Variants in ATP6V0E2 observed in about 807,000 individuals in gnomAD.
ATP6V0E2 encodes the protein ATPase H+ transporting V0 subunit e2.
A neutral mutation model predicts 11.5 loss-of-function variants in ATP6V0E2; 4 were observed. The ratio of observed to expected loss-of-function variants is 0.35; its 90% CI spans 0.17 to 0.80. The LOEUF (loss-of-function observed/expected upper bound fraction) is 0.80. Ranked by LOEUF, ATP6V0E2 falls within the 30% of genes least tolerant of loss-of-function variation. The pLI, the probability that ATP6V0E2 is intolerant of heterozygous loss-of-function variation, is 0.53. For missense variants in ATP6V0E2, 93 were observed against 113.5 expected (o/e 0.82, Z 0.82); for synonymous variants, 52 against 51.0 (o/e 1.02, Z -0.09).
intron 3 of ATP6V0E2, chr7:149,879,100 C>T: frequency 7.2e-7 from 1 of 1,392,576 alleles, no homozygotes; most frequent in Non-Finnish European, 9.3e-7. Context: ...CCTGCCTGGC[C>T]TGTGTTGGCC....
intron 2 of ATP6V0E2, among the ~76,000 whole-genome samples, chr7:149,876,552 C>G (rs532869636): frequency 5.9e-5 from 9 of 152,258 alleles, no homozygotes; most frequent in Admixed American, 5.9e-4. Flanking sequence ...ATAGCCAATC[C>G]CTCTTTATTA....
intron 2 of ATP6V0E2, 92 bp from the exon 3 acceptor site, chr7:149,878,586 T>A: frequency 9.0e-7 from 1 of 1,108,760 alleles, no homozygotes; most frequent in East Asian, 2.7e-5. Context: ...TCTGCTGGGT[T>A]GGCCGCATCC....
rs1332041783 is a variant in ATP6V0E2 at position 149,874,188 on chromosome 7, C to A, written c.104+19C>A. 1.9e-6 allele frequency: 3 copies of A among 1,540,514 alleles called. No individual in the cohort carries two copies. The South Asian group carries it at 3.6e-5, about 18-fold the overall frequency. ...ACCGCGGGTAAGGAAAGCGCGCAGG[C>A]CCTGCAGACCTCTCCACCCCGGCCC... On this transcript the variant is annotated intron_variant, in intron 1 of 3. Coordinates refer to ENST00000425642, the MANE Select transcript of ATP6V0E2 (RefSeq NM_145230.4).
At chr7:149,874,222 G>C in intron 1 of ATP6V0E2, 53 bp downstream of exon 1, 1 of 1,499,370 alleles carries the variant, frequency 6.7e-7, no homozygotes, top group Non-Finnish European at 8.9e-7. Context: ...CCCCTGGCCC[G>C]GCTCGCCCCT....
chr7:149,874,406 A>G (rs1490934718), intron 1 of ATP6V0E2, among the ~76,000 whole-genome samples: 2 of 152,134 alleles, frequency 1.3e-5, no homozygotes, highest in East Asian at 3.9e-4. Flanking sequence ...GACATTGGAG[A>G]TGTCTGTCAC....
At chr7:149,877,588 T>A (rs1038795419) in intron 2 of ATP6V0E2, among the ~76,000 whole-genome samples, 1 of 127,628 alleles carries the variant, frequency 7.8e-6, no homozygotes, top group Non-Finnish European at 1.7e-5. Context: ...TCAAAATTCT[T>A]CCTGGACAGA....
At chr7:149,874,198 C>G (rs980184034) in intron 1 of ATP6V0E2, 29 bp downstream of exon 1, 2 of 1,531,558 alleles carry the variant, frequency 1.3e-6, no homozygotes, top group African/African-American at 1.4e-5. Flanking sequence ...CCCTGCAGAC[C>G]TCTCCACCCC....
chr7:149,873,931 G>C (rs1421651685), upstream of ATP6V0E2: 1 of 1,527,542 alleles, frequency 6.5e-7, no homozygotes, highest in Non-Finnish European at 8.8e-7. Context: ...GCGCGTGCGC[G>C]GCCCGGCCCG....
In ATP6V0E2 at chr7:149,874,117, G is replaced by A; in HGVS notation, c.52G>A (p.Gly18Ser). The A allele has an allele frequency of 6.5e-7, 1 of 1,549,902 alleles. No individual in the cohort carries two copies. Among genetic ancestry groups the A allele is most frequent in the Non-Finnish European group, 8.7e-7 (1 of 1,146,566 alleles). Reference protein sequence around the residue: ...LPVIIFTTFWGLVGIAGPWFV... With the variant: ...LPVIIFTTFWSLVGIAGPWFV... ...GGTCATCATCTTCACCACGTTCTGG[G>A]GCCTCGTCGGCATCGCCGGGCCCTG... The change falls in exon 1 of 4, where the codon GGC becomes AGC. Residue 18 changes from glycine (G) to serine (S), a missense_variant. By Grantham distance (56) the Gly-to-Ser change is moderately conservative. Coordinates refer to ENST00000425642, the MANE Select transcript of ATP6V0E2 (RefSeq NM_145230.4).
chr7:149,873,839 G>T (rs1802962438), upstream of ATP6V0E2: 2 of 1,441,852 alleles, frequency 1.4e-6, no homozygotes, highest in Non-Finnish European at 1.8e-6. Context: ...ATTTCTCTCT[G>T]TCCGCGGCCC....
chr7:149,878,032 T>TA lies in ATP6V0E2; in HGVS notation c.153-646_153-645insA, dbSNP rs58580225. Among the ~76,000 whole-genome samples, 667 of 152,282 alleles carry TA rather than the reference T, an allele frequency of 4.4e-3. 5 individuals carry two copies. Among genetic ancestry groups the TA allele is most frequent in the Middle Eastern group, 0.017 (5 of 294 alleles). Reference sequence around the variant, plus strand: ...GTGTGGATGTGGTCGTGGGGGGCCCTTCCAGGTCAGGCACTGACAGAGCGT... The same window carrying TA: ...GTGTGGATGTGGTCGTGGGGGGCCCTATCCAGGTCAGGCACTGACAGAGCGT... On this transcript the variant is annotated intron_variant, in intron 2 of 3. Coordinates refer to ENST00000425642, the MANE Select transcript of ATP6V0E2 (RefSeq NM_145230.4).
Position 149,879,687 on chromosome 7 carries a change from G to A in ATP6V0E2, c.*372G>A, listed in dbSNP as rs374199359. ...ACTCAGCCCATCCTGAGGAGGACAC[G>A]TGTCCTCATGGAGAGGGTGCTCCGG... On this transcript the variant is annotated 3_prime_UTR_variant, in exon 4 of 4. Coordinates refer to ENST00000425642, the MANE Select transcript of ATP6V0E2 (RefSeq NM_145230.4). The A allele has an allele frequency of 4.6e-5, 65 of 1,410,026 alleles. No homozygotes were observed. The highest frequency in any genetic ancestry group is 1.9e-4 in the Middle Eastern group (1 of 5,290). The allele number at this position is 1,410,026 out of a possible 1,614,324, so 87.3% of individuals were successfully genotyped here.
chr7:149,873,026 A>G (rs1424362737), upstream of ATP6V0E2: 1 of 152,202 alleles, frequency 6.6e-6, no homozygotes, highest in Non-Finnish European at 1.5e-5. Flanking sequence ...TACAGAAGAT[A>G]GGGATTTTTG....
intron 2 of ATP6V0E2, 103 bp downstream of exon 2, chr7:149,875,748 C>T: frequency 8.4e-7 from 1 of 1,184,654 alleles, no homozygotes; most frequent in Admixed American, 1.9e-5. Context: ...TAGTAAATGC[C>T]TCTTGAAAGG....
At position 149,879,566 on chromosome 7, in the gene ATP6V0E2, G is replaced by T; in HGVS notation, c.*251G>T. On this transcript the variant is annotated 3_prime_UTR_variant, in exon 4 of 4. Transcript: ENST00000425642. ...GAGGGGATGTCCTGCTCCAATACCC[G>T]CACTGCTCTGGAGTTTGCCCTCTTT... 1 of 1,536,374 alleles carries T rather than the reference G, an allele frequency of 6.5e-7. No homozygotes were observed. Among genetic ancestry groups the T allele is most frequent in the Non-Finnish European group, 8.8e-7 (1 of 1,141,262 alleles).
chr7:149,874,086 C>G lies in ATP6V0E2; in HGVS notation c.21C>G (p.Ala7=), dbSNP rs1331351926. ...CGGCCATGACGGCGCACTCATTCGC[C>G]CTCCCGGTCATCATCTTCACCACGT... The part of the protein sequence containing the change: MTAHSF[A]LPVIIFTTFW... The change falls in exon 1 of 4, where the codon GCC becomes GCG. Residue 7 remains alanine, a synonymous_variant. Transcript: ENST00000425642. The G allele has an allele frequency of 5.2e-6, 8 of 1,549,952 alleles. No homozygotes were observed. The highest frequency in any genetic ancestry group is 7.0e-6 in the Non-Finnish European group (8 of 1,146,670).
chr7:149,875,998 G>C (rs1176129668), intron 2 of ATP6V0E2: 1 of 524,366 alleles, frequency 1.9e-6, no homozygotes, highest in African/African-American at 1.9e-5. Context: ...CTACACCCAT[G>C]AAATTACAAC....
At chr7:149,877,208 T>C (rs1563137286) in intron 2 of ATP6V0E2, among the ~76,000 whole-genome samples, 1 of 152,030 alleles carries the variant, frequency 6.6e-6, no homozygotes, top group Non-Finnish European at 1.5e-5. Flanking sequence ...AATTAGATAA[T>C]TGACAGGGTC....
chr7:149,877,868 A>G (rs1803235671), intron 2 of ATP6V0E2, among the ~76,000 whole-genome samples: 1 of 152,268 alleles, frequency 6.6e-6, no homozygotes, highest in African/African-American at 2.4e-5. Flanking sequence ...TTATATTTAC[A>G]AAACATAAAC....
Sources: allele counts gnomAD v4.1 joint callset (sites outside exome capture counted in the v4.1 genomes callset), GRCh38; gene constraint gnomAD v4.1.1; transcripts MANE v1.5; gene names NCBI Gene and HGNC (gene_info 2026-07-23, HGNC 2026-07-21).